UBE2T: variants seen among roughly 807,000 people sequenced by gnomAD.
The protein encoded by UBE2T is ubiquitin conjugating enzyme E2 T, also known as ubiquitin-conjugating enzyme E2 T.
UBE2T carries 15 observed loss-of-function variants against 23.3 expected under a neutral mutation model. The ratio of observed to expected loss-of-function variants is 0.64; its 90% CI spans 0.43 to 0.99. The LOEUF is 0.99. Among genes scored for constraint, UBE2T ranks in the 50% least tolerant of loss-of-function variants. UBE2T has a pLI of 0.00. For synonymous variants in UBE2T, 67 were observed against 78.4 expected (o/e 0.85, Z 0.77); for missense variants, 197 against 234.9 (o/e 0.84, Z 1.05).
chr1:202,336,155 G>A (rs1425960707), intron 1 of UBE2T, among the ~76,000 whole-genome samples: 3 of 147,628 alleles, frequency 2.0e-5, no homozygotes, highest in East Asian at 2.0e-4. Flanking sequence ...CAGGTGATCC[G>A]CCTGCCTTGG....
chr1:202,335,552 G>T lies in UBE2T; in HGVS notation c.109+94C>A. On this transcript the variant is annotated intron_variant, in intron 2 of 6. Transcript: ENST00000646651. This position sits in a 1 kb window ranked among gnomAD's most constrained non-coding sequence, Gnocchi z 4.0. Reference sequence around the variant, plus strand: ...GGTAGGGCACTCTGACCTTATAACTGCTCCTTACTTTAGAAGAATACACAA... The same window carrying T: ...GGTAGGGCACTCTGACCTTATAACTTCTCCTTACTTTAGAAGAATACACAA... The T allele has an allele frequency of 2.4e-6, 3 of 1,256,302 alleles. No individual in the cohort carries two copies. The highest frequency in any genetic ancestry group is 1.5e-5 in the African/African-American group (1 of 68,188). 77.8% of individuals were successfully genotyped at this position (1,256,302 alleles called of 1,614,324 possible).
intron 1 of UBE2T, among the ~76,000 whole-genome samples, chr1:202,338,978 A>C (rs1654942112): frequency 6.6e-6 from 1 of 151,982 alleles, no homozygotes; most frequent in African/African-American, 2.4e-5. Flanking sequence ...ACACTATGCT[A>C]ATCAGTAAGA....
intron 1 of UBE2T, among the ~76,000 whole-genome samples, chr1:202,338,886 A>C (rs887075724): frequency 6.6e-6 from 1 of 151,292 alleles, no homozygotes; most frequent in Non-Finnish European, 1.5e-5. Context: ...CAACAGCCAA[A>C]AAAAAAAAAG....
At chr1:202,341,819 C>T (rs1655014151) in intron 1 of UBE2T, 76 bp downstream of exon 1, 1 of 152,276 alleles carries the variant, frequency 6.6e-6, no homozygotes, top group Non-Finnish European at 1.5e-5. Context: ...AACAGGACTC[C>T]TTCCCCCCAA....
rs1224396287 is a variant in UBE2T at position 202,333,013 on chromosome 1, T to A, written c.465A>T (p.Gln155His). The change falls in exon 6 of 7, where the codon CAA (glutamine) becomes CAT (histidine). Residue 155 changes from glutamine to histidine, a missense_variant. Coordinates refer to ENST00000646651, the MANE Select transcript of UBE2T (RefSeq NM_014176.4). ...QWTEKHARQK[Q>H]KADEEEMLDN... ...ACAATAGTAGCAAACATTATACCTT[T>A]TGTTTCTGTCTTGCATGCTTCTCTG... The A allele has an allele frequency of 6.2e-7, 1 of 1,610,970 alleles. No homozygotes were observed. Among genetic ancestry groups the A allele is most frequent in the African/African-American group, 1.3e-5 (1 of 74,744 alleles).
chr1:202,340,536 G>C (rs900245864), intron 1 of UBE2T, among the ~76,000 whole-genome samples: 1 of 150,772 alleles, frequency 6.6e-6, no homozygotes, highest in African/African-American at 2.4e-5. Flanking sequence ...AAGAAAAAAA[G>C]AACCAGCCTG....
At chr1:202,338,160 T>C (rs1208571948) in intron 1 of UBE2T, among the ~76,000 whole-genome samples, 1 of 152,214 alleles carries the variant, frequency 6.6e-6, no homozygotes, top group Admixed American at 6.5e-5. Context: ...ATATTTTTGC[T>C]ATCTTTTCAA....
At chr1:202,339,541 T>C (rs968140628) in intron 1 of UBE2T, among the ~76,000 whole-genome samples, 2 of 151,032 alleles carry the variant, frequency 1.3e-5, no homozygotes, top group South Asian at 2.1e-4. Context: ...GGAAGTGTTT[T>C]GTACTTCAAG....
chr1:202,333,599 T>A (rs777634341), intron 3 of UBE2T, 44 bp from the exon 4 acceptor site: 2 of 1,546,270 alleles, frequency 1.3e-6, no homozygotes, highest in Non-Finnish European at 1.8e-6. Context: ...TACATAATTT[T>A]GCTTCTAAAT....
Position 202,331,717 on chromosome 1 carries a change from G to C in UBE2T, c.*118C>G. 7.9e-7 allele frequency: 1 copy of C among 1,270,260 alleles called. No individual in the cohort carries two copies. Among genetic ancestry groups the C allele is most frequent in the Non-Finnish European group, 1.1e-6 (1 of 911,260 alleles). 78.7% of individuals were successfully genotyped at this position (1,270,260 alleles called of 1,614,324 possible). A position where few individuals can be genotyped will look rare whatever the true frequency, so the allele number is the denominator to read the frequency against. ...AAGATTTCAAAATACATATGTACAA[G>C]ATAAATAAACTACACAAAAATTATG... On this transcript the variant is annotated 3_prime_UTR_variant, in exon 7 of 7. Coordinates refer to ENST00000646651, the MANE Select transcript of UBE2T (RefSeq NM_014176.4).
intron 1 of UBE2T, among the ~76,000 whole-genome samples, chr1:202,341,490 A>G: frequency 7.3e-6 from 1 of 136,540 alleles, no homozygotes; most frequent in East Asian, 2.4e-4. Flanking sequence ...AGGCAGGAGA[A>G]TGGCGTGAAC....
At chr1:202,337,088 G>A (rs551108262) in intron 1 of UBE2T, among the ~76,000 whole-genome samples, 10 of 152,076 alleles carry the variant, frequency 6.6e-5, no homozygotes, top group Admixed American at 1.3e-4. Context: ...CATTACAGAC[G>A]CCCGCCACCA....
chr1:202,332,908 A>C (rs1341558971), intron 6 of UBE2T, 102 bp downstream of exon 6: 4 of 7,456 alleles, frequency 5.4e-4, no homozygotes, highest in Non-Finnish European at 1.2e-3. Context: ...ACTCCGTCTC[A>C]AAAAAAAAAA....
At chr1:202,333,979 A>G (rs1304912141) in intron 3 of UBE2T, among the ~76,000 whole-genome samples, 1 of 151,832 alleles carries the variant, frequency 6.6e-6, no homozygotes, top group African/African-American at 2.4e-5. Flanking sequence ...TACAATTCAT[A>G]CGTTGCATTT....
rs1285160266 is a variant in UBE2T at position 202,335,027 on chromosome 1, C to T, written c.141G>A (p.Glu47=). 6.2e-7 allele frequency: 1 copy of T among 1,612,576 alleles called. No homozygotes were observed. ...TAACTTCTAGCTTAAAAACACCTTT[C>T]TCATAAGGTGTGTTGGCTCCACCTA... The part of the protein sequence containing the change: ...QILGGANTPY[E]KGVFKLEVII... Residue 47 remains glutamate, a synonymous_variant, in exon 3 of 7, where the codon GAG becomes GAA. Transcript: ENST00000646651. This position sits in a 1 kb window ranked among gnomAD's most constrained non-coding sequence, Gnocchi z 4.0.
intron 1 of UBE2T, among the ~76,000 whole-genome samples, chr1:202,337,550 G>A (rs1654915467): frequency 6.6e-6 from 1 of 152,114 alleles, no homozygotes; most frequent in Non-Finnish European, 1.5e-5. Context: ...ATAGTCAATT[G>A]TTCTAACATC....
At chr1:202,334,850 A>G (rs1654846102) in intron 3 of UBE2T, 139 bp downstream of exon 3, 3 of 683,928 alleles carry the variant, frequency 4.4e-6, no homozygotes, top group Middle Eastern at 2.5e-4. Context: ...GAGAGAAAAT[A>G]ACTTGGTCGA....
chr1:202,335,454 T>C lies in UBE2T; in HGVS notation c.109+192A>G, dbSNP rs1654859147. ...CTTGGCTATAAATCAGCATAAGGTA[T>C]AATAAAAAGTCAAAGAAGCAAGAAA... On this transcript the variant is annotated intron_variant, in intron 2 of 6. Coordinates refer to ENST00000646651, the MANE Select transcript of UBE2T (RefSeq NM_014176.4). The surrounding 1 kb of genome is among the most constrained non-coding windows in gnomAD (Gnocchi z 4.0). 1 of 602,366 alleles carries C rather than the reference T, an allele frequency of 1.7e-6. No individual in the cohort carries two copies. Among genetic ancestry groups the C allele is most frequent in the Non-Finnish European group, 2.9e-6 (1 of 341,906 alleles). 37.3% of individuals were successfully genotyped at this position (602,366 alleles called of 1,614,324 possible). A position where few individuals can be genotyped will look rare whatever the true frequency, so the allele number is the denominator to read the frequency against.
At chr1:202,340,027 T>A (rs922964087) in intron 1 of UBE2T, among the ~76,000 whole-genome samples, 1 of 151,504 alleles carries the variant, frequency 6.6e-6, no homozygotes, top group Non-Finnish European at 1.5e-5. Context: ...CTGGCCAACA[T>A]GGGGAAATCC....
Sources: gnomAD v4.1 joint callset for allele counts (sites outside exome capture counted in the v4.1 genomes callset) on GRCh38, gnomAD v4.1.1 for gene constraint, Gnocchi (gnomAD v3.1) non-coding constraint, MANE v1.5 for transcripts, NCBI Gene and HGNC (gene_info 2026-07-23, HGNC 2026-07-21) for gene names.